Variants in NDUFAF7 observed in about 807,000 individuals in gnomAD.
NDUFAF7 encodes the protein NADH:ubiquinone oxidoreductase complex assembly factor 7.
NDUFAF7 carries 48 observed loss-of-function variants against 47.2 expected under a neutral mutation model. The ratio of observed to expected loss-of-function variants is 1.02; its 90% CI spans 0.81 to 1.29. The LOEUF is 1.29. Among genes scored for constraint, NDUFAF7 ranks in the 50% most tolerant of loss-of-function variants. NDUFAF7 has a pLI of 0.00. For synonymous variants in NDUFAF7, 217 were observed against 190.0 expected, an observed-to-expected ratio of 1.14 and a Z score of -1.17; for missense variants, 635 against 537.6, an observed-to-expected ratio of 1.18 and a Z score of -1.79.
In NDUFAF7 at chr2:37,248,427, G is replaced by A; in HGVS notation, c.*77G>A. 2 of 1,330,074 alleles carry A rather than the reference G, an allele frequency of 1.5e-6. No individual in the cohort carries two copies. The highest frequency in any genetic ancestry group is 2.2e-6 in the Non-Finnish European group (2 of 923,722). The allele number at this position is 1,330,074 out of a possible 1,614,324, so 82.4% of individuals were successfully genotyped here. A position where few individuals can be genotyped will look rare whatever the true frequency, so the allele number is the denominator to read the frequency against. ...AGGAAACACATTTCATATACTGCAG[G>A]TAACAAAAGTCAAAGTATTTTATCT... On this transcript the variant is annotated 3_prime_UTR_variant, in exon 10 of 10. Transcript: ENST00000002125.
the NDUFAF7 span, chr2:37,268,524 ATAATG>A: frequency 5.7e-6 from 2 of 348,178 alleles, no homozygotes. Flanking sequence ...TGGGAAGACA[ATAATG>A]TAAACCCAAA....
At chr2:37,235,755 C>T (rs1201585678) in intron 2 of NDUFAF7, among the ~76,000 whole-genome samples, 9 of 151,940 alleles carry the variant, frequency 5.9e-5, no homozygotes, top group African/African-American at 9.7e-5. Context: ...CCGAGGTTCA[C>T]GCCATTTTCC....
chr2:37,256,921 C>T, downstream of NDUFAF7: 1 of 1,613,906 alleles, frequency 6.2e-7, no homozygotes, highest in Non-Finnish European at 8.5e-7. Context: ...CAAAGTCACA[C>T]AGCTTCACCT....
At chr2:37,245,353 G>A (rs1478523199) in intron 7 of NDUFAF7, among the ~76,000 whole-genome samples, 1 of 152,170 alleles carries the variant, frequency 6.6e-6, no homozygotes, top group Non-Finnish European at 1.5e-5. Context: ...TTTTCAATCA[G>A]ATCAGGAAGT....
intron 6 of NDUFAF7, among the ~76,000 whole-genome samples, chr2:37,243,078 C>T (rs1384877692): frequency 6.6e-6 from 1 of 152,128 alleles, no homozygotes; most frequent in Non-Finnish European, 1.5e-5. Context: ...CATCCTGCCT[C>T]AGCATCCCAA....
chr2:37,261,303 A>G, the NDUFAF7 span, among the ~76,000 whole-genome samples: 1 of 151,926 alleles, frequency 6.6e-6, no homozygotes, highest in African/African-American at 2.4e-5. Flanking sequence ...CGTAGCAAAC[A>G]CGGTGAAATC....
chr2:37,266,574 C>T, the NDUFAF7 span, among the ~76,000 whole-genome samples: 47 of 152,166 alleles, frequency 3.1e-4, no homozygotes, highest in Non-Finnish European at 6.3e-4. Context: ...GCAGCCTCCA[C>T]CTTCCAGGTT....
At chr2:37,253,891 AAAAT>A (rs1177334782), downstream of NDUFAF7, among the ~76,000 whole-genome samples, 9 of 152,362 alleles carry the variant, frequency 5.9e-5, no homozygotes, top group Admixed American at 3.3e-4. Flanking sequence ...CTTCAATGCA[AAAAT>A]AAATCCTTCA....
Position 37,235,039 on chromosome 2 carries a change from A to G in NDUFAF7, c.217-1057A>G, listed in dbSNP as rs1357320486. Among the ~76,000 whole-genome samples, 3 of 152,200 alleles carry G rather than the reference A, an allele frequency of 2.0e-5. No individual in the cohort carries two copies. The East Asian group carries it at 5.8e-4, about 29-fold the overall frequency. The stretch of plus-strand genomic sequence containing the variant: ...GGGATATGAAGATAAATAAGGCATG[A>G]TCTTCTGCAAACAACTATACTTTGT... On this transcript the variant is annotated intron_variant, in intron 2 of 9. Transcript: ENST00000002125.
downstream of NDUFAF7, chr2:37,249,177 GGTT>G (rs904809376): frequency 2.0e-5 from 3 of 152,110 alleles, no homozygotes; most frequent in South Asian, 2.1e-4. Context: ...AGTGTACACT[GGTT>G]GTTTTCTGTG....
chr2:37,238,628 G>T, intron 4 of NDUFAF7, among the ~76,000 whole-genome samples: 1 of 151,168 alleles, frequency 6.6e-6, no homozygotes, highest in Middle Eastern at 3.2e-3. Flanking sequence ...TAAAGCAAAA[G>T]ATTAATATTT....
the NDUFAF7 span, among the ~76,000 whole-genome samples, chr2:37,261,201 T>TA: frequency 6.6e-6 from 1 of 152,224 alleles, no homozygotes; most frequent in South Asian, 2.1e-4. Flanking sequence ...TTAATAAAGA[T>TA]ACAGGCTGGG....
the NDUFAF7 span, chr2:37,260,459 T>C: frequency 1.5e-6 from 2 of 1,311,578 alleles, no homozygotes; most frequent in Admixed American, 2.0e-5. Flanking sequence ...TGTGCTATGA[T>C]TGTCTGAAAT....
chr2:37,253,175 G>T, downstream of NDUFAF7: 2 of 1,590,936 alleles, frequency 1.3e-6, no homozygotes, highest in Non-Finnish European at 1.7e-6. Flanking sequence ...TTAGCTCAGT[G>T]ATTAAGGATC....
At chr2:37,250,421 A>G (rs977791422), downstream of NDUFAF7, 3 of 152,214 alleles carry the variant, frequency 2.0e-5, no homozygotes, top group Non-Finnish European at 4.4e-5. Flanking sequence ...TTCTGGTAGT[A>G]TAACAGTTGG....
chr2:37,238,023 T>C lies in NDUFAF7; in HGVS notation c.408+156T>C, dbSNP rs534383592. Reference sequence around the variant, plus strand: ...AATAATGTAATCAGTCATTACTTACTGTTGTCTGTAAACTTAAAAATTGGA... The same window carrying C: ...AATAATGTAATCAGTCATTACTTACCGTTGTCTGTAAACTTAAAAATTGGA... On this transcript the variant is annotated intron_variant, in intron 4 of 9. Coordinates refer to ENST00000002125, the MANE Select transcript of NDUFAF7 (RefSeq NM_144736.5). 5.1e-3 allele frequency among the ~76,000 whole-genome samples: 768 copies of C among 151,542 alleles called. 3 individuals carry two copies. Among genetic ancestry groups the C allele is most frequent in the Middle Eastern group, 0.024 (7 of 292 alleles).
chr2:37,260,856 CT>C, the NDUFAF7 span, among the ~76,000 whole-genome samples: 1 of 152,082 alleles, frequency 6.6e-6, no homozygotes, highest in Non-Finnish European at 1.5e-5. Context: ...CATTAATTCC[CT>C]TTTTTTAGGC....
intron 6 of NDUFAF7, 52 bp downstream of exon 6, chr2:37,242,745 T>C (rs1479359490): frequency 8.3e-6 from 11 of 1,329,092 alleles, no homozygotes; most frequent in Non-Finnish European, 1.2e-5. Context: ...AAAGGCATTG[T>C]GTTGCCAATG....
downstream of NDUFAF7, among the ~76,000 whole-genome samples, chr2:37,250,312 A>G (rs1667381336): frequency 6.6e-6 from 1 of 152,088 alleles, no homozygotes; most frequent in Admixed American, 6.5e-5. Flanking sequence ...CTCCTCTCAG[A>G]TATGTTAAAG....
Sources: allele counts gnomAD v4.1 joint callset (sites outside exome capture counted in the v4.1 genomes callset), GRCh38; gene constraint gnomAD v4.1.1; transcripts MANE v1.5; gene names NCBI Gene and HGNC (gene_info 2026-07-23, HGNC 2026-07-21).